The following SCAPER variants were observed in gnomAD, a reference collection of about 807,000 sequenced individuals.
The protein encoded by SCAPER is S-phase cyclin A associated protein in the ER.
SCAPER carries 98 observed loss-of-function variants against 182.2 expected under a neutral mutation model. The ratio of observed to expected loss-of-function variants is 0.54; its 90% CI spans 0.46 to 0.64. The LOEUF (loss-of-function observed/expected upper bound fraction) is 0.64. Ranked by LOEUF, SCAPER falls within the 30% of genes least tolerant of loss-of-function variation. The pLI, the probability that SCAPER is intolerant of heterozygous loss-of-function variation, is 0.00. For missense variants in SCAPER, 1,432 were observed against 1,690.0 expected (o/e 0.85, Z 2.68); for synonymous variants, 605 against 564.6 (o/e 1.07, Z -1.01).
chr15:76,715,398 T>G (rs1402317684), intron 17 of SCAPER, among the ~76,000 whole-genome samples: 1 of 152,068 alleles, frequency 6.6e-6, no homozygotes, highest in Non-Finnish European at 1.5e-5. Flanking sequence ...TCGGCTGAGC[T>G]GTGAAACCCT....
At chr15:76,771,528 C>T (rs2063471689) in intron 10 of SCAPER, among the ~76,000 whole-genome samples, 2 of 152,034 alleles carry the variant, frequency 1.3e-5, no homozygotes, top group African/African-American at 4.8e-5. Flanking sequence ...TTGAACAAGT[C>T]ACTTAACTCT....
At chr15:76,427,175 A>G (rs2046495564) in intron 26 of SCAPER, among the ~76,000 whole-genome samples, 2 of 152,230 alleles carry the variant, frequency 1.3e-5, no homozygotes, top group Non-Finnish European at 2.9e-5. Flanking sequence ...TTTAAAAATA[A>G]GATCTTAAAA....
At chr15:76,426,703 A>C (rs577603228) in intron 26 of SCAPER, among the ~76,000 whole-genome samples, 18 of 151,888 alleles carry the variant, frequency 1.2e-4, no homozygotes, top group African/African-American at 2.4e-4. Context: ...TTCACACACA[A>C]AAAAAACAAT....
chr15:76,392,184 C>A (rs1021875886), intron 27 of SCAPER, among the ~76,000 whole-genome samples: 4 of 152,098 alleles, frequency 2.6e-5, no homozygotes, highest in Non-Finnish European at 4.4e-5. Flanking sequence ...ACCTTACTTG[C>A]TGTGGCTTGA....
rs1302156828 is a variant in SCAPER, at chr15:76,753,939, C to A, written c.1735G>T (p.Val579Phe). Residue 579 changes from valine to phenylalanine, a missense_variant, in exon 15 of 32, where the codon GTC (valine) becomes TTC (phenylalanine). Around this residue, in one of 5 missense-constraint regions of SCAPER, gnomAD observed 88 missense variants for 184.2 expected, o/e 0.48. Coordinates refer to ENST00000563290, the MANE Select transcript of SCAPER (RefSeq NM_020843.4). ...LQKLLEREKD[V>F]RKWKEELLDQ... is the part of the protein sequence containing the mutation. ...AGCAATTCTTCCTTCCACTTCCGGA[C>A]ATCCTTCTCCTACGTATAGTGAATC... 6.2e-7 allele frequency: 1 copy of A among 1,612,456 alleles called. No individual in the cohort carries two copies. Among genetic ancestry groups the A allele is most frequent in the African/African-American group, 1.3e-5 (1 of 74,866 alleles).
chr15:76,415,917 AT>A (rs1447022328), intron 26 of SCAPER, among the ~76,000 whole-genome samples: 4 of 152,184 alleles, frequency 2.6e-5, no homozygotes, highest in African/African-American at 7.2e-5. Context: ...GATATCTATA[AT>A]TTTATTTTGT....
At chr15:76,539,433 A>G (rs2044519490) in intron 23 of SCAPER, among the ~76,000 whole-genome samples, 1 of 152,164 alleles carries the variant, frequency 6.6e-6, no homozygotes, top group South Asian at 2.1e-4. Flanking sequence ...GTATTTAGTA[A>G]TCATATATTA....
At chr15:76,849,422 G>A (rs2070479117) in intron 4 of SCAPER, among the ~76,000 whole-genome samples, 2 of 152,170 alleles carry the variant, frequency 1.3e-5, no homozygotes, top group African/African-American at 4.8e-5. Context: ...CCCACCTCCT[G>A]TTCATCAACA....
intron 24 of SCAPER, among the ~76,000 whole-genome samples, chr15:76,481,401 T>A (rs1250318995): frequency 1.3e-5 from 2 of 152,200 alleles, no homozygotes; most frequent in African/African-American, 4.8e-5. Flanking sequence ...TAACTACTGT[T>A]TATTGGGCAT....
At chr15:76,700,492 C>T (rs2058882544) in intron 20 of SCAPER, among the ~76,000 whole-genome samples, 1 of 152,326 alleles carries the variant, frequency 6.6e-6, no homozygotes, top group East Asian at 1.9e-4. Flanking sequence ...TGGTGCTCTA[C>T]AAAGCCAGGC....
At chr15:76,680,341 T>A (rs904177180) in intron 20 of SCAPER, among the ~76,000 whole-genome samples, 2 of 151,550 alleles carry the variant, frequency 1.3e-5, no homozygotes, top group African/African-American at 2.4e-5. Context: ...ATATTAATAT[T>A]AAACCAGGTA....
chr15:76,760,852 G>T (rs1285576351), intron 14 of SCAPER, among the ~76,000 whole-genome samples: 2 of 152,084 alleles, frequency 1.3e-5, no homozygotes, highest in Admixed American at 1.3e-4. Flanking sequence ...AGGAACCAGG[G>T]GCAGAGACCA....
At chr15:76,882,681 T>C (rs1356944825) in intron 2 of SCAPER, among the ~76,000 whole-genome samples, 3 of 152,150 alleles carry the variant, frequency 2.0e-5, no homozygotes, top group Admixed American at 2.0e-4. Flanking sequence ...TTTCTTTTAT[T>C]TGAGACGGAG....
At chr15:76,362,526 C>A (rs2041507743) in intron 29 of SCAPER, among the ~76,000 whole-genome samples, 1 of 151,726 alleles carries the variant, frequency 6.6e-6, no homozygotes, top group Non-Finnish European at 1.5e-5. Context: ...AATTCTCCTG[C>A]CTCAGCCTCC....
intron 26 of SCAPER, among the ~76,000 whole-genome samples, chr15:76,421,937 T>C (rs2046075723): frequency 6.6e-6 from 1 of 152,204 alleles, no homozygotes. Flanking sequence ...GTTGTAGATG[T>C]GTGTTATTAT....
chr15:76,671,912 T>C (rs1449840231), intron 20 of SCAPER, among the ~76,000 whole-genome samples: 2 of 152,070 alleles, frequency 1.3e-5, no homozygotes, highest in African/African-American at 2.4e-5. Flanking sequence ...AGTTACTCAC[T>C]GGAGAGTTAA....
intron 15 of SCAPER, among the ~76,000 whole-genome samples, chr15:76,746,745 G>T (rs977226389): frequency 6.6e-6 from 1 of 152,102 alleles, no homozygotes; most frequent in African/African-American, 2.4e-5. Flanking sequence ...AATCAAAAAT[G>T]AAATTAAGAT....
At chr15:76,753,738 T>C (rs918797522) in intron 15 of SCAPER, 70 bp downstream of exon 15, 12 of 1,474,258 alleles carry the variant, frequency 8.1e-6, no homozygotes, top group African/African-American at 1.4e-5. Flanking sequence ...TTATCTTCTA[T>C]TACTATTATA....
intron 5 of SCAPER, 91 bp downstream of exon 5, chr15:76,841,642 AT>A (rs1426614540): frequency 7.6e-7 from 1 of 1,322,914 alleles, no homozygotes; most frequent in Non-Finnish European, 1.0e-6. Flanking sequence ...GCAAAACTCC[AT>A]CTCAAAGAAA....
Sources: allele counts gnomAD v4.1 joint callset (sites outside exome capture counted in the v4.1 genomes callset), GRCh38; gene constraint gnomAD v4.1.1; regional missense constraint gnomAD v4.1.1; transcripts MANE v1.5; gene names NCBI Gene and HGNC (gene_info 2026-07-23, HGNC 2026-07-21).